The following DNAJB12 variants were observed in gnomAD, a reference collection of about 807,000 sequenced individuals.
The protein encoded by DNAJB12 is DnaJ heat shock protein family (Hsp40) member B12.
In DNAJB12, 14 loss-of-function variants were observed where a neutral mutation model predicts 40.6. That is an observed-to-expected ratio of 0.34 (90% confidence interval 0.23 to 0.54). The LOEUF is 0.54. Ranked by LOEUF, DNAJB12 falls within the 20% of genes least tolerant of loss-of-function variation. DNAJB12 has a pLI of 0.92. For synonymous variants in DNAJB12, 181 were observed against 199.5 expected, an observed-to-expected ratio of 0.91 and a Z score of 0.78; for missense variants, 444 against 501.7, an observed-to-expected ratio of 0.89 and a Z score of 1.10.
Position 72,352,818 on chromosome 10 carries a change from G to A in DNAJB12, c.133+1947C>T, listed in dbSNP as rs77311713. On this transcript the variant is annotated intron_variant, in intron 1 of 8. Transcript: ENST00000444643. ...AAATGATCTTCAACAAAAGTCTGCT[G>A]CATTGAATGAGCATCTGGGATGAGC... 3.3e-3 allele frequency among the ~76,000 whole-genome samples: 507 copies of A among 152,296 alleles called. 2 individuals carry two copies. The highest frequency in any genetic ancestry group is 5.8e-3 in the Non-Finnish European group (392 of 68,036).
chr10:72,354,435 C>A, intron 1 of DNAJB12: 6 of 305,640 alleles, frequency 2.0e-5, no homozygotes, highest in South Asian at 1.6e-4. Flanking sequence ...CGAACGGCCC[C>A]TTGGGAAAAG....
At chr10:72,345,975 T>C (rs918693672) in intron 1 of DNAJB12, among the ~76,000 whole-genome samples, 8 of 151,714 alleles carry the variant, frequency 5.3e-5, no homozygotes, top group Non-Finnish European at 7.4e-5. Flanking sequence ...TTAATAAAAA[T>C]TGACATAAAA....
intron 1 of DNAJB12, among the ~76,000 whole-genome samples, chr10:72,352,230 G>A (rs529932062): frequency 6.6e-6 from 1 of 152,072 alleles, no homozygotes; most frequent in Non-Finnish European, 1.5e-5. Flanking sequence ...AAATATCTTG[G>A]CCTGGTAGAA....
chr10:72,350,276 G>C (rs148882453), intron 1 of DNAJB12, among the ~76,000 whole-genome samples: 25 of 152,046 alleles, frequency 1.6e-4, no homozygotes, highest in Non-Finnish European at 3.2e-4. Context: ...GCACATGCCT[G>C]TGGTCCCGGC....
At chr10:72,354,008 T>C (rs1226356265) in intron 1 of DNAJB12, 3 of 152,376 alleles carry the variant, frequency 2.0e-5, no homozygotes, top group Non-Finnish European at 4.4e-5. Context: ...CCAGCTTCAC[T>C]CTTCCCTCCC....
Position 72,333,345 on chromosome 10 carries a change from G to A in DNAJB12, c.*1303C>T, listed in dbSNP as rs928641476. 7.9e-5 allele frequency: 12 copies of A among 152,326 alleles called. No homozygotes were observed. Among genetic ancestry groups the A allele is most frequent in the African/African-American group, 1.4e-4 (6 of 41,550 alleles). 9.4% of individuals were successfully genotyped at this position (152,326 alleles called of 1,614,324 possible). ...ATAAAACCTCCCTCCTCCCACTGGC[G>A]GCAAGTGCTGTTTTAAGCAAAATCC... On this transcript the variant is annotated 3_prime_UTR_variant, in exon 9 of 9. Coordinates refer to ENST00000444643, the MANE Select transcript of DNAJB12 (RefSeq NM_017626.7).
In DNAJB12 at chr10:72,335,422, G is replaced by T; in HGVS notation, c.*30+358C>A. ...AATACCAGGGCACGGACAATAGTCT[G>T]CTGTGCTGGAGAAAGGGCCGTGCTG... On this transcript the variant is annotated intron_variant, in intron 8 of 8. Coordinates refer to ENST00000444643, the MANE Select transcript of DNAJB12 (RefSeq NM_017626.7). This position sits in a 1 kb window ranked among gnomAD's most constrained non-coding sequence, Gnocchi z 4.4. 9.5e-7 allele frequency: 1 copy of T among 1,052,870 alleles called. No individual in the cohort carries two copies. The highest frequency in any genetic ancestry group is 1.2e-6 in the Non-Finnish European group (1 of 868,704). The allele number at this position is 1,052,870 out of a possible 1,614,324, so 65.2% of individuals were successfully genotyped here. A position where few individuals can be genotyped will look rare whatever the true frequency, so the allele number is the denominator to read the frequency against.
At chr10:72,344,366 C>G (rs974805839) in intron 2 of DNAJB12, among the ~76,000 whole-genome samples, 3 of 152,226 alleles carry the variant, frequency 2.0e-5, no homozygotes, top group African/African-American at 7.2e-5. Flanking sequence ...TGGCATGACC[C>G]TGGGGGATTC....
rs778173717 is a variant in DNAJB12, at chr10:72,338,227, G to C, written c.808C>G (p.Pro270Ala). 1.1e-5 allele frequency: 18 copies of C among 1,613,970 alleles called. No individual in the cohort carries two copies. In the Admixed American group the frequency reaches 2.2e-4, roughly 19 times the overall value. ...SALSQLMVSSPPYSLSPRPSV... is the reference protein window; with the variant it reads ...SALSQLMVSSAPYSLSPRPSV... ...GGTCTTGGACTCAGACTGTAGGGTGGACTGGAGACCATGAGCTGGCTGAGA... is the reference window on the plus strand; with the variant it reads ...GGTCTTGGACTCAGACTGTAGGGTGCACTGGAGACCATGAGCTGGCTGAGA... The change falls in exon 6 of 9, where the codon CCA becomes GCA. Residue 270 changes from proline to alanine, a missense_variant. Coordinates refer to ENST00000444643, the MANE Select transcript of DNAJB12 (RefSeq NM_017626.7).
At position 72,336,903 on chromosome 10, in the gene DNAJB12, C is replaced by T. The variant is rs569121170; in HGVS notation, c.834-207G>A. 45 of 472,306 alleles carry T rather than the reference C, an allele frequency of 9.5e-5. No individual in the cohort carries two copies. In the Admixed American group the frequency reaches 1.4e-3, roughly 15 times the overall value. The allele number at this position is 472,306 out of a possible 1,614,324, so 29.3% of individuals were successfully genotyped here. The stretch of plus-strand genomic sequence containing the variant: ...CACACACGTGGCCCAGACCGCAGGA[C>T]GCCCTGCCTTTAGATCCCTGCTTAC... On this transcript the variant is annotated intron_variant, in intron 6 of 8. Coordinates refer to ENST00000444643, the MANE Select transcript of DNAJB12 (RefSeq NM_017626.7).
At chr10:72,336,381 G>A (rs1861474185) in intron 7 of DNAJB12, 143 bp downstream of exon 7, 1 of 887,002 alleles carries the variant, frequency 1.1e-6, no homozygotes, top group Admixed American at 2.5e-5. Context: ...ACCAGCTCTT[G>A]TCTGGGAGGT....
intron 4 of DNAJB12, 27 bp from the exon 5 acceptor site, chr10:72,340,895 A>G (rs1421105334): frequency 6.2e-7 from 1 of 1,612,482 alleles, no homozygotes; most frequent in South Asian, 1.1e-5. Context: ...CTGAGTCAGG[A>G]GCCAGGTCTG....
At chr10:72,353,409 C>G (rs2132010953) in intron 1 of DNAJB12, 1 of 152,460 alleles carries the variant, frequency 6.6e-6, no homozygotes, top group South Asian at 2.1e-4. Context: ...AAAGATCAAC[C>G]TGCAAGAGTC....
intron 5 of DNAJB12, 49 bp downstream of exon 5, chr10:72,340,740 G>A (rs1861610619): frequency 1.9e-6 from 3 of 1,582,638 alleles, no homozygotes; most frequent in African/African-American, 1.3e-5. Context: ...CCTCCCTGGG[G>A]TGGATTTGGT....
chr10:72,337,889 T>C (rs1412271318), intron 6 of DNAJB12, among the ~76,000 whole-genome samples: 7 of 152,078 alleles, frequency 4.6e-5, no homozygotes, highest in Non-Finnish European at 7.4e-5. Context: ...TATGTGTGCA[T>C]GTGTATTATG....
intron 5 of DNAJB12, 37 bp from the exon 6 acceptor site, chr10:72,338,348 G>T (rs374229198): frequency 1.3e-6 from 2 of 1,575,142 alleles, no homozygotes; most frequent in South Asian, 2.2e-5. Context: ...GCTGGACCTG[G>T]GTGGGGTGTG....
At chr10:72,340,920 G>A in intron 4 of DNAJB12, 52 bp from the exon 5 acceptor site, 3 of 1,609,386 alleles carry the variant, frequency 1.9e-6, no homozygotes, top group Non-Finnish European at 2.5e-6. Context: ...GAAAGGGAGA[G>A]GCTGGCATGC....
At chr10:72,339,475 A>G (rs558034624) in intron 5 of DNAJB12, among the ~76,000 whole-genome samples, 3 of 152,092 alleles carry the variant, frequency 2.0e-5, no homozygotes, top group Non-Finnish European at 4.4e-5. Context: ...CAGAGGTTGC[A>G]GTGAGCCAAG....
chr10:72,339,276 C>T (rs967707454), intron 5 of DNAJB12, among the ~76,000 whole-genome samples: 1 of 151,462 alleles, frequency 6.6e-6, no homozygotes, highest in Non-Finnish European at 1.5e-5. Flanking sequence ...TGGCTCACGC[C>T]TGTAATCCCA....
Sources: allele counts gnomAD v4.1 joint callset (sites outside exome capture counted in the v4.1 genomes callset), GRCh38; gene constraint gnomAD v4.1.1; non-coding constraint Gnocchi (gnomAD v3.1); transcripts MANE v1.5; gene names NCBI Gene and HGNC (gene_info 2026-07-23, HGNC 2026-07-21).